Variants in GXYLT2 observed in about 807,000 individuals in gnomAD.
GXYLT2 encodes the protein glucoside xylosyltransferase 2, also known as glycosyltransferase 8 domain containing 4.
Under a neutral mutation model 45.8 loss-of-function variants are expected in GXYLT2, and 53 were observed. That is an observed-to-expected ratio of 1.16 (90% CI 0.93 to 1.46). GXYLT2 has a LOEUF of 1.46. Ranked by LOEUF, GXYLT2 falls within the 40% of genes most tolerant of loss-of-function variation. GXYLT2 has a pLI of 0.00. For missense variants in GXYLT2, 551 were observed against 544.4 expected (o/e 1.01, Z -0.12); for synonymous variants, 219 against 214.2 (o/e 1.02, Z -0.19).
chr3:72,892,379 C>G (rs995339743), intron 1 of GXYLT2, among the ~76,000 whole-genome samples: 3 of 152,160 alleles, frequency 2.0e-5, no homozygotes, highest in African/African-American at 4.8e-5. Context: ...ATTGTTGTTT[C>G]TCTTAAAATA....
intron 1 of GXYLT2, among the ~76,000 whole-genome samples, chr3:72,904,781 CT>C (rs1219869806): frequency 6.6e-6 from 1 of 151,338 alleles, no homozygotes; most frequent in Non-Finnish European, 1.5e-5. Context: ...TGGCTCACCC[CT>C]GTAATCCCAG....
chr3:72,916,585 G>T (rs1045706739), intron 2 of GXYLT2, among the ~76,000 whole-genome samples: 3 of 152,146 alleles, frequency 2.0e-5, no homozygotes, highest in African/African-American at 7.2e-5. Context: ...TGTTGCCCAG[G>T]CTGGAGTGTA....
At position 72,974,189 on chromosome 3, in the gene GXYLT2, C is replaced by T. The variant is rs534972895; in HGVS notation, c.1150-788C>T. Among the ~76,000 whole-genome samples, 3 of 152,246 alleles carry T rather than the reference C, an allele frequency of 2.0e-5. No homozygotes were observed. The East Asian group carries it at 5.8e-4, about 29-fold the overall frequency. ...ATAAAACTTTGATACATGTGCGTAACTAAGTGGTCTGAAAGATTTATTTTG... is the reference window on the plus strand; with the variant it reads ...ATAAAACTTTGATACATGTGCGTAATTAAGTGGTCTGAAAGATTTATTTTG... On this transcript the variant is annotated intron_variant, in intron 6 of 6. Coordinates refer to ENST00000389617, the MANE Select transcript of GXYLT2 (RefSeq NM_001080393.2).
At position 72,898,253 on chromosome 3, in the gene GXYLT2, TC is replaced by T. The variant is rs138934819; in HGVS notation, c.275+9751del. Among the ~76,000 whole-genome samples the T allele has an allele frequency of 5.7e-3, 868 of 152,210 alleles. 11 individuals are homozygous for T. Among genetic ancestry groups the T allele is most frequent in the African/African-American group, 0.02 (826 of 41,526 alleles). ...GTTGGGGAGACCATTTTTCTTCGTT[TC>T]CCCCCTCTAAGCTTTAAAGTCTTTC... On this transcript the variant is annotated intron_variant, in intron 1 of 6. Coordinates refer to ENST00000389617, the MANE Select transcript of GXYLT2 (RefSeq NM_001080393.2).
intron 3 of GXYLT2, among the ~76,000 whole-genome samples, chr3:72,934,331 C>T (rs1710137498): frequency 6.6e-6 from 1 of 151,948 alleles, no homozygotes; most frequent in African/African-American, 2.4e-5. Flanking sequence ...AGCAGTCTGC[C>T]CGCCTCAGTC....
intron 3 of GXYLT2, among the ~76,000 whole-genome samples, chr3:72,936,403 C>T (rs962126682): frequency 6.6e-6 from 1 of 152,024 alleles, no homozygotes; most frequent in African/African-American, 2.4e-5. Context: ...CCTATAATCC[C>T]AGCACTTTGG....
intron 1 of GXYLT2, among the ~76,000 whole-genome samples, chr3:72,897,207 GTCATAAAAGGGGTTTTAACTGGC>G (rs966776123): frequency 1.3e-5 from 2 of 152,178 alleles, no homozygotes; most frequent in Non-Finnish European, 2.9e-5. Flanking sequence ...GTATCACTTA[GTCATAAAAGGGGTTTTAACTGGC>G]TCATAAAACT....
chr3:72,924,979 A>G (rs1245190765), intron 3 of GXYLT2, among the ~76,000 whole-genome samples: 1 of 151,994 alleles, frequency 6.6e-6, no homozygotes, highest in East Asian at 1.9e-4. Context: ...GAGGTGGCTG[A>G]GGATACTCAA....
intron 6 of GXYLT2, among the ~76,000 whole-genome samples, chr3:72,973,094 T>C (rs1711026859): frequency 1.3e-5 from 2 of 151,370 alleles, no homozygotes; most frequent in Non-Finnish European, 1.5e-5. Context: ...AGACCCTATC[T>C]CAAAAGAAAA....
intron 3 of GXYLT2, among the ~76,000 whole-genome samples, chr3:72,923,231 G>C (rs1434825534): frequency 6.6e-6 from 1 of 151,914 alleles, no homozygotes; most frequent in Admixed American, 6.6e-5. Flanking sequence ...CTCCAGCCTG[G>C]GCAACAAGAG....
chr3:72,926,696 C>T (rs1370708917), intron 3 of GXYLT2, among the ~76,000 whole-genome samples: 1 of 152,214 alleles, frequency 6.6e-6, no homozygotes, highest in Non-Finnish European at 1.5e-5. Context: ...GAAGATTTCT[C>T]TCCTCAATAA....
intron 1 of GXYLT2, among the ~76,000 whole-genome samples, chr3:72,893,896 T>C (rs1709231754): frequency 6.6e-6 from 1 of 151,970 alleles, no homozygotes; most frequent in Non-Finnish European, 1.5e-5. Context: ...CAAGGGAGTG[T>C]CTAAGCCCAC....
intron 3 of GXYLT2, among the ~76,000 whole-genome samples, chr3:72,928,656 A>G (rs376735225): frequency 6.6e-6 from 1 of 152,148 alleles, no homozygotes. Context: ...GCCAGAGGAC[A>G]ATGCAGGTAA....
At chr3:72,951,472 C>G (rs1289070839) in intron 3 of GXYLT2, among the ~76,000 whole-genome samples, 1 of 152,240 alleles carries the variant, frequency 6.6e-6, no homozygotes, top group East Asian at 1.9e-4. Flanking sequence ...GTGCCAGCCA[C>G]TGTACTGAGT....
intron 5 of GXYLT2, among the ~76,000 whole-genome samples, chr3:72,965,301 T>A (rs1436549922): frequency 1.3e-5 from 2 of 152,240 alleles, no homozygotes; most frequent in Admixed American, 1.3e-4. Flanking sequence ...CATTATTTGC[T>A]TTCCATCTTG....
At chr3:72,917,474 A>C (rs1709763228) in intron 2 of GXYLT2, among the ~76,000 whole-genome samples, 1 of 152,120 alleles carries the variant, frequency 6.6e-6, no homozygotes, top group African/African-American at 2.4e-5. Flanking sequence ...TCATATATCA[A>C]ATGTCAAATA....
In GXYLT2 at chr3:72,967,603, G is replaced by A. The variant is rs373778273; in HGVS notation, c.1033G>A (p.Gly345Arg). 69 of 1,613,476 alleles carry A rather than the reference G, an allele frequency of 4.3e-5. No individual in the cohort carries two copies. The highest frequency in any genetic ancestry group is 5.5e-5 in the Non-Finnish European group (65 of 1,179,626). ...WNYRPDHCMY[G>R]SNCREAEHEG... Reference sequence around the variant, plus strand: ...CTACCGTCCCGATCACTGCATGTACGGAAGCAACTGCAGAGAGGCTGAGCA... The same window carrying A: ...CTACCGTCCCGATCACTGCATGTACAGAAGCAACTGCAGAGAGGCTGAGCA... The change falls in exon 6 of 7, where the codon GGA (glycine) becomes AGA (arginine). Residue 345 changes from glycine to arginine, a missense_variant. Gly to Arg is a moderately radical substitution (Grantham distance 125). Transcript: ENST00000389617.
rs151171786 is a variant in GXYLT2, at chr3:72,939,730, G to C, written c.601-15368G>C. ...GGGTCTCAGTCTGTCGCCCAGGCTG[G>C]AGTGCAGTGGTGCTATCAGAGCTCA... On this transcript the variant is annotated intron_variant, in intron 3 of 6. Coordinates refer to ENST00000389617, the MANE Select transcript of GXYLT2 (RefSeq NM_001080393.2). 7.0e-4 allele frequency among the ~76,000 whole-genome samples: 105 copies of C among 150,860 alleles called. 2 individuals are homozygous for C. Among genetic ancestry groups the C allele is most frequent in the African/African-American group, 2.5e-3 (102 of 41,024 alleles).
At chr3:72,961,750 T>G (rs1710775261) in intron 5 of GXYLT2, among the ~76,000 whole-genome samples, 1 of 151,562 alleles carries the variant, frequency 6.6e-6, no homozygotes. Flanking sequence ...TTGATCAGGC[T>G]CTAGAAGGGC....
Sources: gnomAD v4.1 joint callset for allele counts (sites outside exome capture counted in the v4.1 genomes callset) on GRCh38, gnomAD v4.1.1 for gene constraint, MANE v1.5 for transcripts, NCBI Gene and HGNC (gene_info 2026-07-23, HGNC 2026-07-21) for gene names.